The following SGPL1 variants were observed in gnomAD, a reference collection of about 807,000 sequenced individuals.
The protein encoded by SGPL1 is SP-lyase 1.
SGPL1 carries 37 observed loss-of-function variants against 68.9 expected under a neutral mutation model. That is an observed-to-expected ratio of 0.54 (90% CI 0.41 to 0.71). The LOEUF (loss-of-function observed/expected upper bound fraction) is 0.71, where lower values mean the gene tolerates loss of function less well. Ranked by LOEUF, SGPL1 falls within the 30% of genes least tolerant of loss-of-function variation. The pLI is 0.00. For missense variants in SGPL1, 551 were observed against 704.6 expected (o/e 0.78, Z 2.47); for synonymous variants, 236 against 248.5 (o/e 0.95, Z 0.47).
chr10:70,824,753 T>C (rs35209210), intron 2 of SGPL1, among the ~76,000 whole-genome samples: 2 of 152,102 alleles, frequency 1.3e-5, no homozygotes, highest in Non-Finnish European at 2.9e-5. Context: ...TATGTAGTGC[T>C]TAATGTAGAC....
chr10:70,861,301 C>T (rs1232707402), intron 7 of SGPL1, among the ~76,000 whole-genome samples: 1 of 152,090 alleles, frequency 6.6e-6, no homozygotes, highest in Non-Finnish European at 1.5e-5. Flanking sequence ...GGCTAACACA[C>T]ATCTAACTGG....
chr10:70,869,774 C>T lies in SGPL1; in HGVS notation c.705-18C>T. 3.7e-6 allele frequency: 6 copies of T among 1,603,370 alleles called. No homozygotes were observed. The highest frequency in any genetic ancestry group is 5.1e-6 in the Non-Finnish European group (6 of 1,171,022). On this transcript the variant is annotated intron_variant, in intron 8 of 14. Coordinates refer to ENST00000373202, the MANE Select transcript of SGPL1 (RefSeq NM_003901.4). ...TTTTGGCCTGAGTTACATTATTCTC[C>T]TCTTCCCTGTCATTTAGTGTGGCTC...
chr10:70,822,729 G>T (rs934234115), intron 2 of SGPL1, among the ~76,000 whole-genome samples: 4 of 151,762 alleles, frequency 2.6e-5, no homozygotes, highest in African/African-American at 9.7e-5. Context: ...AGGCTGAGCA[G>T]GTTTAAGGAA....
At chr10:70,857,470 AT>A in intron 5 of SGPL1, 143 bp from the exon 6 acceptor site, 1 of 621,334 alleles carries the variant, frequency 1.6e-6, no homozygotes, top group Non-Finnish European at 2.9e-6. Flanking sequence ...TTTTTTCTTG[AT>A]TTGCTATAAG....
intron 7 of SGPL1, chr10:70,866,682 T>A (rs1846194550): frequency 6.6e-6 from 1 of 152,242 alleles, no homozygotes; most frequent in African/African-American, 2.4e-5. Context: ...GACATGCTGC[T>A]GATTTGCAGA....
rs373724233 is a variant in SGPL1 at position 70,877,175 on chromosome 10, C to T, written c.1567-20C>T. The T allele has an allele frequency of 8.7e-5, 141 of 1,613,524 alleles. No homozygotes were observed. In the African/African-American group the frequency reaches 1.5e-3, roughly 17 times the overall value. On this transcript the variant is annotated intron_variant, in intron 14 of 14. Transcript: ENST00000373202. ...TTGGACCTGGCCTCACTAATAATGT[C>T]TCTTTCTTTGGATTTGTAGGGTGCC... is the stretch of plus-strand genomic sequence containing the variant.
At chr10:70,844,011 T>A (rs1010348275) in intron 2 of SGPL1, among the ~76,000 whole-genome samples, 1 of 152,208 alleles carries the variant, frequency 6.6e-6, no homozygotes, top group African/African-American at 2.4e-5. Flanking sequence ...GAATGTTTGC[T>A]TTGCAACACT....
chr10:70,869,280 G>A (rs1186958796), intron 8 of SGPL1: 2 of 152,398 alleles, frequency 1.3e-5, no homozygotes, highest in African/African-American at 4.8e-5. Context: ...TTCCAAATGT[G>A]TAGGAGAAAT....
intron 3 of SGPL1, among the ~76,000 whole-genome samples, chr10:70,848,454 CTTT>C (rs55860254): frequency 5.7e-5 from 4 of 70,670 alleles, no homozygotes; most frequent in South Asian, 6.2e-4. Context: ...ACCTCACGTA[CTTT>C]TTTTTTTTTT....
chr10:70,840,791 G>A (rs570387578), intron 2 of SGPL1, among the ~76,000 whole-genome samples: 16 of 152,226 alleles, frequency 1.1e-4, no homozygotes, highest in African/African-American at 3.4e-4. Context: ...TTAAATGTTA[G>A]TGAGGAATGT....
At chr10:70,826,769 G>T (rs1343410386) in intron 2 of SGPL1, among the ~76,000 whole-genome samples, 1 of 151,764 alleles carries the variant, frequency 6.6e-6, no homozygotes, top group Non-Finnish European at 1.5e-5. Context: ...TTTTAAACTT[G>T]ATGTAAATGG....
intron 3 of SGPL1, among the ~76,000 whole-genome samples, chr10:70,849,936 T>G (rs1845851981): frequency 6.6e-6 from 1 of 152,242 alleles, no homozygotes; most frequent in East Asian, 1.9e-4. Flanking sequence ...TGAGCAAGTT[T>G]TGATGCTTTG....
intron 2 of SGPL1, among the ~76,000 whole-genome samples, chr10:70,841,975 G>A (rs1172240620): frequency 5.3e-5 from 8 of 151,852 alleles, no homozygotes; most frequent in Admixed American, 1.3e-4. Flanking sequence ...ACCCACACCC[G>A]AAAAAATTAC....
intron 12 of SGPL1, 47 bp downstream of exon 12, chr10:70,873,636 C>T (rs1846334725): frequency 1.4e-6 from 2 of 1,430,652 alleles, no homozygotes; most frequent in Non-Finnish European, 2.0e-6. Flanking sequence ...GCTTTTTTGT[C>T]CTAGTAGGCT....
chr10:70,859,083 A>G (rs999468209), intron 6 of SGPL1, among the ~76,000 whole-genome samples: 1 of 152,252 alleles, frequency 6.6e-6, no homozygotes, highest in Non-Finnish European at 1.5e-5. Flanking sequence ...TGACCTACAC[A>G]GCTGAAAGTA....
intron 2 of SGPL1, among the ~76,000 whole-genome samples, chr10:70,826,225 A>C (rs1219011058): frequency 2.2e-5 from 3 of 135,750 alleles, no homozygotes; most frequent in Non-Finnish European, 3.4e-5. Flanking sequence ...ACACAACACA[A>C]CAATACAATA....
At chr10:70,824,538 G>A (rs1312819596) in intron 2 of SGPL1, among the ~76,000 whole-genome samples, 3 of 151,986 alleles carry the variant, frequency 2.0e-5, no homozygotes, top group Non-Finnish European at 4.4e-5. Flanking sequence ...AAATTTAACT[G>A]CAACTATCTT....
rs11813395 is a variant in SGPL1 at position 70,829,713 on chromosome 10, G to A, written c.27+12833G>A. 5.4e-3 allele frequency among the ~76,000 whole-genome samples: 825 copies of A among 152,226 alleles called. 4 individuals carry two copies. The highest frequency in any genetic ancestry group is 9.6e-3 in the Non-Finnish European group (651 of 68,000). Reference sequence around the variant, plus strand: ...CTAAGTGAGAGCTAAAATTAGAGCCGAAGGTTTTGATTACCAGTCCAGACT... The same window carrying A: ...CTAAGTGAGAGCTAAAATTAGAGCCAAAGGTTTTGATTACCAGTCCAGACT... On this transcript the variant is annotated intron_variant, in intron 2 of 14. Transcript: ENST00000373202.
intron 4 of SGPL1, among the ~76,000 whole-genome samples, chr10:70,853,639 G>T (rs1845920214): frequency 6.6e-6 from 1 of 151,982 alleles, no homozygotes; most frequent in East Asian, 1.9e-4. Context: ...ATGTGTCCCT[G>T]GCCTGCATAT....
Sources: allele counts gnomAD v4.1 joint callset (sites outside exome capture counted in the v4.1 genomes callset), GRCh38; gene constraint gnomAD v4.1.1; transcripts MANE v1.5; gene names NCBI Gene and HGNC (gene_info 2026-07-23, HGNC 2026-07-21).